THBS2: variants seen among roughly 807,000 people sequenced by gnomAD.
The protein encoded by THBS2 is thrombospondin 2.
In THBS2, 47 loss-of-function variants were observed where a neutral mutation model predicts 135.2. The ratio of observed to expected loss-of-function variants is 0.35; its 90% CI spans 0.28 to 0.44. The LOEUF (loss-of-function observed/expected upper bound fraction) is 0.44, where lower values mean the gene tolerates loss of function less well. THBS2 is among the 20% of genes least tolerant of loss of function. The pLI, the probability that THBS2 is intolerant of heterozygous loss-of-function variation, is 1.00. For synonymous variants in THBS2, 639 were observed against 633.8 expected (o/e 1.01, Z -0.12); for missense variants, 1,288 against 1,603.1 (o/e 0.80, Z 3.36).
intron 4 of THBS2, among the ~76,000 whole-genome samples, chr6:169,242,990 T>C (rs1780402389): frequency 4.5e-5 from 1 of 22,068 alleles, no homozygotes; most frequent in Non-Finnish European, 7.7e-5. Flanking sequence ...CCTTCCCACA[T>C]TCGCACCTTC....
chr6:169,241,966 C>T lies in THBS2; in HGVS notation c.695-8G>A. ...TGATGGCGTTGATCTCAGCTGAGGG[C>T]AAGCGTAGAAGGGCCGTGAGCATCA... On this transcript the variant is annotated splice_region_variant and splice_polypyrimidine_tract_variant and intron_variant, in intron 4 of 21. Transcript: ENST00000617924. This position sits in a 1 kb window ranked among gnomAD's most constrained non-coding sequence, Gnocchi z 5.5. 6.2e-7 allele frequency: 1 copy of T among 1,601,954 alleles called. No individual in the cohort carries two copies. The highest frequency in any genetic ancestry group is 8.5e-7 in the Non-Finnish European group (1 of 1,173,238).
chr6:169,221,801 A>G (rs1442772600), intron 19 of THBS2, among the ~76,000 whole-genome samples: 1 of 152,194 alleles, frequency 6.6e-6, no homozygotes, highest in African/African-American at 2.4e-5. Context: ...TCCTGGGTTC[A>G]TGTCTGGATC....
chr6:169,223,117 A>T, intron 18 of THBS2, 131 bp downstream of exon 18: 1 of 811,338 alleles, frequency 1.2e-6, no homozygotes, highest in Non-Finnish European at 1.9e-6. Context: ...TTCACAGACC[A>T]TGGAAGGATG....
intron 17 of THBS2, 118 bp from the exon 18 acceptor site, chr6:169,223,593 T>C: frequency 3.9e-6 from 3 of 773,212 alleles, no homozygotes; most frequent in Admixed American, 4.5e-5. Context: ...TCCCAGAACA[T>C]CTAAGACTGA....
At chr6:169,239,524 A>G (rs986361643) in intron 7 of THBS2, 75 bp downstream of exon 7, 24 of 1,421,558 alleles carry the variant, frequency 1.7e-5, no homozygotes, top group Middle Eastern at 2.3e-4. Context: ...GCCAAAACCA[A>G]CCAATGAATA....
chr6:169,217,664 G>T lies in THBS2; in HGVS notation c.*158C>A. Reference sequence around the variant, plus strand: ...TGATATTTATCCTCTGAAGGCACTTGGGTTTGGGGTTGCTGGCAGGAGGTG... The same window carrying T: ...TGATATTTATCCTCTGAAGGCACTTTGGTTTGGGGTTGCTGGCAGGAGGTG... On this transcript the variant is annotated 3_prime_UTR_variant, in exon 22 of 22. Coordinates refer to ENST00000617924, the MANE Select transcript of THBS2 (RefSeq NM_003247.5). 1 of 687,194 alleles carries T rather than the reference G, an allele frequency of 1.5e-6. No individual in the cohort carries two copies. Among genetic ancestry groups the T allele is most frequent in the Non-Finnish European group, 2.4e-6 (1 of 421,634 alleles). 42.6% of individuals were successfully genotyped at this position (687,194 alleles called of 1,614,324 possible).
In THBS2 at chr6:169,241,498, A is replaced by G. The variant is rs12177836; in HGVS notation, c.891+264T>C. Among the ~76,000 whole-genome samples the G allele has an allele frequency of 0.014, 2,084 of 152,106 alleles. 35 individuals are homozygous for G. The highest frequency in any genetic ancestry group is 0.077 in the East Asian group (398 of 5,144). ...ATTTACCAAGGAGGTAAATTTCCCA[A>G]AATTAAGAATTTATTTTGGAGACTG... On this transcript the variant is annotated intron_variant, in intron 5 of 21. Transcript: ENST00000617924. The surrounding 1 kb of genome is among the most constrained non-coding windows in gnomAD (Gnocchi z 5.5).
At chr6:169,219,814 A>G in intron 21 of THBS2, 1 of 520,654 alleles carries the variant, frequency 1.9e-6, no homozygotes, top group Middle Eastern at 3.2e-4. Context: ...CGAGATAACT[A>G]TAGAGAAACT....
rs1202416947 is a variant in THBS2, at chr6:169,246,257, C to G, written c.634G>C (p.Val212Leu). Residue 212 changes from valine to leucine, a missense_variant, in exon 4 of 22, where the codon GTG (valine) becomes CTG (leucine). Around this residue, in one of 2 missense-constraint regions of THBS2, gnomAD observed 414 missense variants for 447.0 expected, o/e 0.93. Coordinates refer to ENST00000617924, the MANE Select transcript of THBS2 (RefSeq NM_003247.5). ...FRGLLQNVHL[V>L]FENSVEDILS... ...ATATCTTCCACAGAGTTTTCAAACA[C>G]TAGGTGGACGTTCTGAAGCAAACCC... The G allele has an allele frequency of 1.1e-5, 17 of 1,613,782 alleles. No individual in the cohort carries two copies. In the African/African-American group the frequency reaches 1.7e-4, roughly 16 times the overall value.
chr6:169,240,408 C>T (rs376031053), intron 6 of THBS2, 44 bp downstream of exon 6: 141 of 1,603,208 alleles, frequency 8.8e-5, no homozygotes, highest in Admixed American at 1.5e-4. Flanking sequence ...GCCAAGTGTC[C>T]GATGGTGGCC....
intron 9 of THBS2, among the ~76,000 whole-genome samples, chr6:169,236,585 TC>T (rs750625491): frequency 8.9e-6 from 1 of 112,188 alleles, no homozygotes; most frequent in African/African-American, 3.4e-5. Context: ...CCACACTCAC[TC>T]CCCATCCACA....
chr6:169,252,928 C>T lies in THBS2; in HGVS notation c.-23+796G>A, dbSNP rs1330592510. ...TAATTGTTTACCGGCCGTCCACCACCAACAGCAGTCTGATTAAACACCAGA... is the reference window on the plus strand; with the variant it reads ...TAATTGTTTACCGGCCGTCCACCACTAACAGCAGTCTGATTAAACACCAGA... On this transcript the variant is annotated intron_variant, in intron 1 of 21. Coordinates refer to ENST00000617924, the MANE Select transcript of THBS2 (RefSeq NM_003247.5). The surrounding 1 kb of genome is among the most constrained non-coding windows in gnomAD (Gnocchi z 4.3). Among the ~76,000 whole-genome samples, 2 of 152,186 alleles carry T rather than the reference C, an allele frequency of 1.3e-5. No individual in the cohort carries two copies. Among genetic ancestry groups the T allele is most frequent in the Non-Finnish European group, 2.9e-5 (2 of 68,038 alleles).
At chr6:169,251,773 CAGA>C (rs1003176722) in intron 1 of THBS2, among the ~76,000 whole-genome samples, 3 of 152,144 alleles carry the variant, frequency 2.0e-5, no homozygotes, top group African/African-American at 7.2e-5. Flanking sequence ...AAACATTCCT[CAGA>C]AGAAGAGAAA....
chr6:169,246,333 T>TTATC, intron 3 of THBS2, 52 bp from the exon 4 acceptor site: 2 of 1,415,902 alleles, frequency 1.4e-6, no homozygotes, highest in Non-Finnish European at 2.0e-6. Flanking sequence ...CATCCAATGT[T>TTATC]TGATGCCAAG....
rs780535512 is a variant in THBS2 at position 169,241,869 on chromosome 6, T to G, written c.784A>C (p.Arg262=). The change falls in exon 5 of 22, where the codon AGG becomes CGG. Residue 262 remains arginine, a synonymous_variant. Coordinates refer to ENST00000617924, the MANE Select transcript of THBS2 (RefSeq NM_003247.5). This position sits in a 1 kb window ranked among gnomAD's most constrained non-coding sequence, Gnocchi z 5.5. ...TEYVGPSSER[R]PEVCERSCEE... ...CACGAGCGTTCGCACACCTCGGGCC[T>G]CCTCTCCGAGCTGGGGCCCACGTAC... 3.1e-6 allele frequency: 5 copies of G among 1,612,408 alleles called. No homozygotes were observed. Among genetic ancestry groups the G allele is most frequent in the Non-Finnish European group, 4.2e-6 (5 of 1,179,924 alleles).
chr6:169,234,948 C>T (rs911317100), intron 9 of THBS2, 41 bp from the exon 10 acceptor site: 3 of 1,569,380 alleles, frequency 1.9e-6, no homozygotes, highest in East Asian at 2.3e-5. Flanking sequence ...GAGCAAGACC[C>T]GGGGTGGAGA....
In THBS2 at chr6:169,237,177, TG is replaced by T; in HGVS notation, c.1469del (p.Pro490HisfsTer260). 6.2e-7 allele frequency: 1 copy of T among 1,606,394 alleles called. No individual in the cohort carries two copies. On this transcript the variant is annotated frameshift_variant, in exon 9 of 22. Coordinates refer to ENST00000617924, the MANE Select transcript of THBS2 (RefSeq NM_003247.5). LOFTEE classifies it high-confidence loss of function. The stretch of plus-strand genomic sequence containing the variant: ...CGCCTTCACCGTACTTACTTGGGCA[TG>T]GGGCGCCCTGGCAGGCTTTGGTCTC... ...GRETKACQGA[P>X]CPIDGRWSPW...
chr6:169,253,498 C>G (rs939604068), intron 1 of THBS2, among the ~76,000 whole-genome samples: 2 of 152,152 alleles, frequency 1.3e-5, no homozygotes, highest in Admixed American at 6.5e-5. Flanking sequence ...AGCACAGCCA[C>G]GGAGGAAAAG....
Position 169,217,679 on chromosome 6 carries a change from G to T in THBS2, c.*143C>A. 1 of 859,496 alleles carries T rather than the reference G, an allele frequency of 1.2e-6. No individual in the cohort carries two copies. The highest frequency in any genetic ancestry group is 1.8e-6 in the Non-Finnish European group (1 of 569,588). 53.2% of individuals were successfully genotyped at this position (859,496 alleles called of 1,614,324 possible). A position where few individuals can be genotyped will look rare whatever the true frequency, so the allele number is the denominator to read the frequency against. ...GAAGGCACTTGGGTTTGGGGTTGCT[G>T]GCAGGAGGTGAAGAACCATCAGAGT... On this transcript the variant is annotated 3_prime_UTR_variant, in exon 22 of 22. Coordinates refer to ENST00000617924, the MANE Select transcript of THBS2 (RefSeq NM_003247.5).
Sources: gnomAD v4.1 joint callset for allele counts (sites outside exome capture counted in the v4.1 genomes callset) on GRCh38, gnomAD v4.1.1 for gene constraint, gnomAD v4.1.1 regional missense constraint, Gnocchi (gnomAD v3.1) non-coding constraint, MANE v1.5 for transcripts, NCBI Gene and HGNC (gene_info 2026-07-23, HGNC 2026-07-21) for gene names.